Variants in GRIA4 observed in about 807,000 individuals in gnomAD.
The protein encoded by GRIA4 is glutamate receptor 4.
In GRIA4, 34 loss-of-function variants were observed where a neutral mutation model predicts 104.0. That is an observed-to-expected ratio of 0.33 (90% confidence interval 0.25 to 0.44). The LOEUF (loss-of-function observed/expected upper bound fraction) is 0.44. Among genes scored for constraint, GRIA4 ranks in the 20% least tolerant of loss-of-function variants. The pLI, the probability that GRIA4 is intolerant of heterozygous loss-of-function variation, is 1.00. For synonymous variants in GRIA4, 386 were observed against 381.9 expected, an observed-to-expected ratio of 1.01 and a Z score of -0.13; for missense variants, 750 against 1,096.5, an observed-to-expected ratio of 0.68 and a Z score of 4.46.
At chr11:105,810,996 T>G (rs1943150174) in intron 4 of GRIA4, among the ~76,000 whole-genome samples, 1 of 152,200 alleles carries the variant, frequency 6.6e-6, no homozygotes, top group African/African-American at 2.4e-5. Flanking sequence ...ATGCAATCCT[T>G]ATTGTAGTGC....
intron 3 of GRIA4, among the ~76,000 whole-genome samples, chr11:105,675,063 G>A (rs1428096030): frequency 6.6e-6 from 1 of 151,826 alleles, no homozygotes; most frequent in Non-Finnish European, 1.5e-5. Context: ...TAGCTGACAG[G>A]CAGAGGGTTC....
intron 4 of GRIA4, among the ~76,000 whole-genome samples, chr11:105,858,883 A>C (rs1410211524): frequency 1.3e-5 from 2 of 152,150 alleles, no homozygotes; most frequent in Non-Finnish European, 2.9e-5. Flanking sequence ...TATAGAATTA[A>C]AATGTTAGAC....
At chr11:105,872,843 T>C (rs1945667167) in intron 5 of GRIA4, among the ~76,000 whole-genome samples, 1 of 152,150 alleles carries the variant, frequency 6.6e-6, no homozygotes. Context: ...AATAGTTTAA[T>C]TTTTTGTATA....
intron 4 of GRIA4, among the ~76,000 whole-genome samples, chr11:105,832,143 T>C (rs1203909824): frequency 6.6e-6 from 1 of 151,854 alleles, no homozygotes; most frequent in Non-Finnish European, 1.5e-5. Flanking sequence ...AACCCTGCAA[T>C]GTATGCAACC....
intron 3 of GRIA4, among the ~76,000 whole-genome samples, chr11:105,620,036 G>A (rs564377023): frequency 1.3e-5 from 2 of 151,728 alleles, no homozygotes; most frequent in Non-Finnish European, 2.9e-5. Flanking sequence ...ACTATCCAAA[G>A]TGTTACATAT....
intron 4 of GRIA4, among the ~76,000 whole-genome samples, chr11:105,779,933 T>G (rs1054353808): frequency 6.6e-6 from 1 of 152,170 alleles, no homozygotes; most frequent in African/African-American, 2.4e-5. Context: ...GTCAAAGCTA[T>G]GGAATCTTTC....
At chr11:105,616,394 C>T (rs1310834925) in intron 3 of GRIA4, among the ~76,000 whole-genome samples, 1 of 151,556 alleles carries the variant, frequency 6.6e-6, no homozygotes, top group African/African-American at 2.4e-5. Flanking sequence ...ATGAGCAGTA[C>T]TTTACAAAGT....
intron 3 of GRIA4, among the ~76,000 whole-genome samples, chr11:105,742,622 G>T (rs1025461369): frequency 1.3e-5 from 2 of 151,652 alleles, no homozygotes; most frequent in African/African-American, 4.9e-5. Flanking sequence ...GTGTGTGTAT[G>T]TATATATATA....
At chr11:105,796,613 A>G (rs1372087682) in intron 4 of GRIA4, among the ~76,000 whole-genome samples, 6 of 152,174 alleles carry the variant, frequency 3.9e-5, no homozygotes, top group African/African-American at 1.4e-4. Context: ...AAACAAGTAG[A>G]CCATAGGTAG....
Position 105,864,329 on chromosome 11 carries a change from C to A in GRIA4, c.672+2121C>A, listed in dbSNP as rs1945331545. Among the ~76,000 whole-genome samples the A allele has an allele frequency of 3.9e-5, 6 of 152,148 alleles. No homozygotes were observed. In the South Asian group the frequency reaches 1.2e-3, roughly 32 times the overall value. On this transcript the variant is annotated intron_variant, in intron 5 of 16. Coordinates refer to ENST00000282499, the MANE Select transcript of GRIA4 (RefSeq NM_000829.4). ...TCTTGGCTCTTCCACAAGAGCTAAT[C>A]CATACTTTGTCAGGGGTTTGTACGT... is the stretch of plus-strand genomic sequence containing the variant.
chr11:105,658,521 T>A (rs1951910186), intron 3 of GRIA4, among the ~76,000 whole-genome samples: 1 of 151,856 alleles, frequency 6.6e-6, no homozygotes, highest in African/African-American at 2.4e-5. Flanking sequence ...GACATGGGAT[T>A]AATGGAGGTG....
chr11:105,629,100 C>T (rs944228253), intron 3 of GRIA4, among the ~76,000 whole-genome samples: 39 of 126,962 alleles, frequency 3.1e-4, no homozygotes, highest in African/African-American at 1.0e-3. Context: ...AAAAAATTAG[C>T]GTGGCTGCCA....
intron 3 of GRIA4, among the ~76,000 whole-genome samples, chr11:105,643,122 C>A (rs985640113): frequency 1.3e-5 from 2 of 152,100 alleles, no homozygotes; most frequent in African/African-American, 4.8e-5. Flanking sequence ...ACTACTGAGT[C>A]CCTCCCATGA....
chr11:105,893,320 G>T (rs1464694247), intron 6 of GRIA4, among the ~76,000 whole-genome samples: 1 of 151,958 alleles, frequency 6.6e-6, no homozygotes, highest in African/African-American at 2.4e-5. Context: ...AATCAAAATG[G>T]CCACCAAAAT....
chr11:105,665,705 C>A (rs751081228), intron 3 of GRIA4, among the ~76,000 whole-genome samples: 3 of 152,000 alleles, frequency 2.0e-5, no homozygotes, highest in Non-Finnish European at 4.4e-5. Flanking sequence ...TCAATTATCA[C>A]TGGAATTAAA....
intron 4 of GRIA4, among the ~76,000 whole-genome samples, chr11:105,847,167 C>T (rs927075049): frequency 1.3e-5 from 2 of 152,144 alleles, no homozygotes; most frequent in African/African-American, 4.8e-5. Flanking sequence ...TGAAACTGTT[C>T]CACCTCAGAT....
chr11:105,756,270 T>C (rs1378381355), intron 4 of GRIA4, among the ~76,000 whole-genome samples: 1 of 152,098 alleles, frequency 6.6e-6, no homozygotes, highest in African/African-American at 2.4e-5. Flanking sequence ...AGAGGTGGAA[T>C]TGGGAAGGTC....
chr11:105,918,742 C>T lies in GRIA4; in HGVS notation c.1300C>T (p.His434Tyr). The T allele has an allele frequency of 6.3e-7, 1 of 1,582,060 alleles. No homozygotes were observed. The highest frequency in any genetic ancestry group is 8.7e-7 in the Non-Finnish European group (1 of 1,151,400). ...ESPYVMYKKN[H>Y]EMFEGNDKYE... ...CCCATATGTTATGTACAAGAAAAATCATGAAATGTTTGAAGGAAATGACAA... is the reference window on the plus strand; with the variant it reads ...CCCATATGTTATGTACAAGAAAAATTATGAAATGTTTGAAGGAAATGACAA... The change falls in exon 11 of 17, where the codon CAT becomes TAT. Residue 434 changes from histidine to tyrosine, a missense_variant. His to Tyr is a moderately conservative substitution (Grantham distance 83). Transcript: ENST00000282499.
chr11:105,728,414 A>G (rs1938361659), intron 3 of GRIA4, among the ~76,000 whole-genome samples: 1 of 152,192 alleles, frequency 6.6e-6, no homozygotes, highest in South Asian at 2.1e-4. Flanking sequence ...GGGAGACTTT[A>G]ACACCCCACT....
Sources: gnomAD v4.1 joint callset for allele counts (sites outside exome capture counted in the v4.1 genomes callset) on GRCh38, gnomAD v4.1.1 for gene constraint, MANE v1.5 for transcripts, NCBI Gene and HGNC (gene_info 2026-07-23, HGNC 2026-07-21) for gene names.